The following MRE11 variants were observed in gnomAD, a reference collection of about 807,000 sequenced individuals.
MRE11 encodes MRE11 double strand break repair nuclease.
In MRE11, 62 loss-of-function variants were observed where a neutral mutation model predicts 91.7. That is an observed-to-expected ratio of 0.68 (90% CI 0.55 to 0.84). MRE11 has a LOEUF of 0.84. Among genes scored for constraint, MRE11 ranks in the 40% least tolerant of loss-of-function variants. The pLI is 0.00. For synonymous variants in MRE11, 273 were observed against 271.4 expected (o/e 1.01, Z -0.06); for missense variants, 796 against 852.9 (o/e 0.93, Z 0.83).
At position 94,470,691 on chromosome 11, in the gene MRE11, G is replaced by T. The variant is rs776818414; in HGVS notation, c.846-49C>A. The stretch of plus-strand genomic sequence containing the variant: ...CGAGTCACAGTGTAAATTTCCTCAG[G>T]GTGATGTGCAAACGAAAGCTTTCAT... On this transcript the variant is annotated intron_variant, in intron 8 of 19. Coordinates refer to ENST00000323929, the MANE Select transcript of MRE11 (RefSeq NM_005591.4). 1.9e-6 allele frequency: 3 copies of T among 1,590,168 alleles called. No homozygotes were observed. In the Admixed American group the frequency reaches 5.0e-5, roughly 27 times the overall value.
At chr11:94,479,120 G>C (rs1206327315) in intron 5 of MRE11, among the ~76,000 whole-genome samples, 2 of 152,134 alleles carry the variant, frequency 1.3e-5, no homozygotes, top group Non-Finnish European at 2.9e-5. Context: ...AACTTATGAT[G>C]TCTTGGCCAC....
In MRE11 at chr11:94,490,870, G is replaced by A; in HGVS notation, c.116C>T (p.Thr39Ile). ...DAVRGNDTFV[T>I]LDEILRLAQE... ...GGCAAGTCTTAAAATTTCATCGAGTGTTACAAACGTATCATTTCCTCTGAC... is the reference window on the plus strand; with the variant it reads ...GGCAAGTCTTAAAATTTCATCGAGTATTACAAACGTATCATTTCCTCTGAC... Residue 39 changes from threonine (T) to isoleucine (I), a missense_variant, in exon 3 of 20, where the codon ACA (threonine) becomes ATA (isoleucine). Thr to Ile is a moderately conservative substitution (Grantham distance 89). Transcript: ENST00000323929. The A allele has an allele frequency of 1.2e-6, 2 of 1,613,404 alleles. No individual in the cohort carries two copies. Among genetic ancestry groups the A allele is most frequent in the Non-Finnish European group, 1.7e-6 (2 of 1,179,634 alleles).
chr11:94,429,993 C>CAAAACA lies in MRE11; in HGVS notation c.1995-13_1995-8dup. 2 of 1,613,850 alleles carry CAAAACA rather than the reference C, an allele frequency of 1.2e-6. No individual in the cohort carries two copies. The highest frequency in any genetic ancestry group is 2.2e-5 in the South Asian group (2 of 91,058). ...GGATGATGTGCTGGACCACCTGAGG[C>CAAAACA]AAAACAAAAACAAAAACAAACACAA... On this transcript the variant is annotated splice_region_variant and splice_polypyrimidine_tract_variant and intron_variant, in intron 18 of 19. Transcript: ENST00000323929.
At chr11:94,428,470 T>C (rs1591632297) in intron 19 of MRE11, among the ~76,000 whole-genome samples, 1 of 152,192 alleles carries the variant, frequency 6.6e-6, no homozygotes, top group Non-Finnish European at 1.5e-5. Flanking sequence ...TTCTCAACAC[T>C]GGCCTTGGCA....
chr11:94,493,585 C>T (rs1947352281), intron 1 of MRE11: 1 of 152,220 alleles, frequency 6.6e-6, no homozygotes, highest in African/African-American at 2.4e-5. Context: ...AGGACCCCTC[C>T]CCTGCCCACT....
At chr11:94,501,475 C>T in the MRE11 span, among the ~76,000 whole-genome samples, 3 of 151,994 alleles carry the variant, frequency 2.0e-5, no homozygotes, top group Non-Finnish European at 4.4e-5. Context: ...ATATATATGA[C>T]AATACATCCA....
At chr11:94,451,881 A>C (rs764987537) in intron 14 of MRE11, among the ~76,000 whole-genome samples, 1 of 152,152 alleles carries the variant, frequency 6.6e-6, no homozygotes, top group African/African-American at 2.4e-5. Context: ...AAATGTGTTC[A>C]AGTGAGTGCT....
At chr11:94,477,456 G>A (rs561107197) in intron 6 of MRE11, among the ~76,000 whole-genome samples, 4 of 152,146 alleles carry the variant, frequency 2.6e-5, no homozygotes, top group South Asian at 2.1e-4. Context: ...CTAAGATGGC[G>A]AATTAACACT....
chr11:94,436,851 G>GA (rs1350787593), intron 17 of MRE11, among the ~76,000 whole-genome samples: 2 of 152,116 alleles, frequency 1.3e-5, no homozygotes, highest in African/African-American at 2.4e-5. Flanking sequence ...ATCCAGCATA[G>GA]AAAAAACCTC....
In MRE11 at chr11:94,419,465, G is replaced by GGGGAGGGAGAGAGAGAGA. The variant is rs373002609; in HGVS notation, c.*659_*660insTCTCTCTCTCTCCCTCCC. 5.1e-6 allele frequency: 1 copy of GGGGAGGGAGAGAGAGAGA among 196,690 alleles called. No homozygotes were observed. The highest frequency in any genetic ancestry group is 9.9e-6 in the Non-Finnish European group (1 of 100,752). 12.2% of individuals were successfully genotyped at this position (196,690 alleles called of 1,614,324 possible). On this transcript the variant is annotated 3_prime_UTR_variant, in exon 20 of 20. Transcript: ENST00000323929. ...GAAGAGTGGGGAACGGGGGGGAGAGGGAGAGAGAGAGAGAGAGAGAGAGAG... is the reference window on the plus strand; with the variant it reads ...GAAGAGTGGGGAACGGGGGGGAGAGGGGGAGGGAGAGAGAGAGAGAGAGAGAGAGAGAGAGAGAGAGAG...
intron 19 of MRE11, among the ~76,000 whole-genome samples, chr11:94,422,360 A>C (rs1945193134): frequency 6.6e-6 from 1 of 152,174 alleles, no homozygotes; most frequent in Non-Finnish European, 1.5e-5. Flanking sequence ...CTCCCAGAGA[A>C]CATTTCGGAC....
At chr11:94,506,619 T>G in the MRE11 span, among the ~76,000 whole-genome samples, 2 of 151,524 alleles carry the variant, frequency 1.3e-5, no homozygotes, top group African/African-American at 4.9e-5. Context: ...GACAGGGTCT[T>G]GCTCTGTCAT....
the MRE11 span, among the ~76,000 whole-genome samples, chr11:94,499,979 AC>A: frequency 6.6e-6 from 1 of 152,220 alleles, no homozygotes; most frequent in South Asian, 2.1e-4. Flanking sequence ...CATCGTGACA[AC>A]AGGATCTTGA....
intron 11 of MRE11, among the ~76,000 whole-genome samples, chr11:94,461,842 G>A (rs1052420264): frequency 1.4e-4 from 22 of 152,296 alleles, no homozygotes; most frequent in Admixed American, 4.6e-4. Context: ...TTGAGAGGCC[G>A]AGGTGGGCGG....
At chr11:94,475,736 C>T in intron 7 of MRE11, 1 of 420,886 alleles carries the variant, frequency 2.4e-6, no homozygotes, top group African/African-American at 2.1e-5. Context: ...TAAGAATGTT[C>T]ATAACAGCAA....
chr11:94,486,173 C>T, intron 3 of MRE11, 89 bp from the exon 4 acceptor site: 1 of 1,276,344 alleles, frequency 7.8e-7, no homozygotes, highest in Admixed American at 2.2e-5. Context: ...AAAAAACTCA[C>T]AAAAGACACT....
At chr11:94,437,597 T>C (rs1443742788) in intron 16 of MRE11, among the ~76,000 whole-genome samples, 2 of 152,212 alleles carry the variant, frequency 1.3e-5, no homozygotes, top group Middle Eastern at 3.2e-3. Flanking sequence ...TTGTTGACGA[T>C]ACCTTTATCC....
chr11:94,440,767 TTC>T (rs1491377602), intron 16 of MRE11, among the ~76,000 whole-genome samples: 3 of 152,186 alleles, frequency 2.0e-5, no homozygotes, highest in Non-Finnish European at 4.4e-5. Context: ...TCATTACTTT[TTC>T]TCTCTCTTCT....
intron 19 of MRE11, among the ~76,000 whole-genome samples, chr11:94,422,251 C>T (rs1266430399): frequency 6.6e-6 from 1 of 152,082 alleles, no homozygotes; most frequent in Non-Finnish European, 1.5e-5. Context: ...GAGGTAAGTC[C>T]TGACTTATAA....
Sources: allele counts gnomAD v4.1 joint callset (sites outside exome capture counted in the v4.1 genomes callset), GRCh38; gene constraint gnomAD v4.1.1; transcripts MANE v1.5; gene names NCBI Gene and HGNC (gene_info 2026-07-23, HGNC 2026-07-21).